Variants in CCSER1 observed in about 807,000 individuals in gnomAD.
CCSER1 encodes the protein coiled-coil serine rich protein 1.
Under a neutral mutation model 82.0 loss-of-function variants are expected in CCSER1, and 41 were observed. That is an observed-to-expected ratio of 0.50 (90% CI 0.39 to 0.65). The LOEUF (loss-of-function observed/expected upper bound fraction) is 0.65, where lower values mean the gene tolerates loss of function less well. Ranked by LOEUF, CCSER1 falls within the 30% of genes least tolerant of loss-of-function variation. The pLI, the probability that CCSER1 is intolerant of heterozygous loss-of-function variation, is 0.00. For missense variants in CCSER1, 1,119 were observed against 1,064.2 expected (o/e 1.05, Z -0.72); for synonymous variants, 414 against 383.9 (o/e 1.08, Z -0.92).
chr4:90,966,324 C>T (rs1402491058), intron 9 of CCSER1, among the ~76,000 whole-genome samples: 2 of 150,640 alleles, frequency 1.3e-5, no homozygotes, highest in East Asian at 3.9e-4. Context: ...TGTTGAAAGA[C>T]AAAGAAAAAA....
chr4:91,041,604 G>T (rs1415047492), intron 9 of CCSER1, among the ~76,000 whole-genome samples: 4 of 152,064 alleles, frequency 2.6e-5, no homozygotes, highest in African/African-American at 7.2e-5. Context: ...ATTTGAATTT[G>T]ACATGACAGC....
intron 10 of CCSER1, among the ~76,000 whole-genome samples, chr4:91,174,755 G>A (rs935601149): frequency 6.6e-6 from 1 of 151,282 alleles, no homozygotes; most frequent in African/African-American, 2.4e-5. Flanking sequence ...CTTCAAGTAT[G>A]TATTCATTTC....
intron 8 of CCSER1, among the ~76,000 whole-genome samples, chr4:90,819,490 C>T (rs569010770): frequency 6.6e-6 from 1 of 152,008 alleles, no homozygotes; most frequent in East Asian, 1.9e-4. Context: ...TTCTTTTCTA[C>T]CATATGATTT....
At chr4:90,436,770 GTATTA>G (rs1372482320) in intron 4 of CCSER1, among the ~76,000 whole-genome samples, 13 of 150,670 alleles carry the variant, frequency 8.6e-5, no homozygotes, top group Admixed American at 7.9e-4. Context: ...ACACATATAT[GTATTA>G]TATTAGCATT....
intron 10 of CCSER1, among the ~76,000 whole-genome samples, chr4:91,501,692 A>G (rs1469624079): frequency 6.6e-6 from 1 of 151,990 alleles, no homozygotes; most frequent in Non-Finnish European, 1.5e-5. Flanking sequence ...ATTTTTTCCT[A>G]GAATTATTTT....
intron 5 of CCSER1, among the ~76,000 whole-genome samples, chr4:90,541,118 T>G (rs1423922527): frequency 6.6e-6 from 1 of 152,000 alleles, no homozygotes; most frequent in Admixed American, 6.6e-5. Context: ...CCTGGCCTGA[T>G]GCTGTGGCTA....
At chr4:90,621,486 T>A (rs1347969061) in intron 5 of CCSER1, among the ~76,000 whole-genome samples, 4 of 151,890 alleles carry the variant, frequency 2.6e-5, no homozygotes, top group Admixed American at 2.0e-4. Context: ...TTCATCTTTA[T>A]AATGTCCTTT....
At chr4:90,540,945 A>C (rs978876739) in intron 5 of CCSER1, among the ~76,000 whole-genome samples, 8 of 152,126 alleles carry the variant, frequency 5.3e-5, no homozygotes, top group African/African-American at 1.2e-4. Context: ...ATAGAGGTCC[A>C]AACTATGAAA....
intron 1 of CCSER1, among the ~76,000 whole-genome samples, chr4:90,161,817 G>A (rs923433430): frequency 6.6e-6 from 1 of 152,046 alleles, no homozygotes; most frequent in Non-Finnish European, 1.5e-5. Flanking sequence ...AGTTTAGAAA[G>A]TGCAATTATA....
chr4:90,483,737 G>C, intron 5 of CCSER1, among the ~76,000 whole-genome samples: 1 of 152,216 alleles, frequency 6.6e-6, no homozygotes, highest in East Asian at 1.9e-4. Context: ...TCTGCTGAGA[G>C]ATCAGCTGTT....
At chr4:90,214,443 G>A (rs1407727529) in intron 1 of CCSER1, among the ~76,000 whole-genome samples, 2 of 152,152 alleles carry the variant, frequency 1.3e-5, no homozygotes, top group Admixed American at 6.5e-5. Flanking sequence ...CCAGGGAAAC[G>A]CTGGAGATTA....
In CCSER1 at chr4:91,292,612, G is replaced by A. The variant is rs137993701; in HGVS notation, c.2217+206618G>A. Among the ~76,000 whole-genome samples the A allele has an allele frequency of 1.8e-3, 270 of 152,010 alleles. 2 individuals carry two copies. The highest frequency in any genetic ancestry group is 6.1e-3 in the African/African-American group (252 of 41,534). The stretch of plus-strand genomic sequence containing the variant: ...TTTTGCTTTGCTTCTTAAAGAACAA[G>A]CAGATCAGGGACTTCAACTCATTGC... On this transcript the variant is annotated intron_variant, in intron 10 of 10. Coordinates refer to ENST00000509176, the MANE Select transcript of CCSER1 (RefSeq NM_001145065.2).
chr4:90,211,848 A>G (rs1358277069), intron 1 of CCSER1, among the ~76,000 whole-genome samples: 1 of 152,204 alleles, frequency 6.6e-6, no homozygotes, highest in African/African-American at 2.4e-5. Flanking sequence ...AAGATTCTTG[A>G]GCACATCTGT....
At chr4:90,319,930 A>G (rs944367520) in intron 3 of CCSER1, among the ~76,000 whole-genome samples, 1 of 152,230 alleles carries the variant, frequency 6.6e-6, no homozygotes, top group Non-Finnish European at 1.5e-5. Context: ...GAAAATCACA[A>G]GTATCACTCA....
At chr4:90,722,291 A>G (rs1213685284) in intron 6 of CCSER1, among the ~76,000 whole-genome samples, 4 of 151,890 alleles carry the variant, frequency 2.6e-5, no homozygotes, top group African/African-American at 4.8e-5. Flanking sequence ...TAATTCAACT[A>G]TGAACGAACT....
At chr4:91,298,604 GACTA>G (rs569574434) in intron 10 of CCSER1, among the ~76,000 whole-genome samples, 10 of 152,082 alleles carry the variant, frequency 6.6e-5, no homozygotes, top group Non-Finnish European at 1.0e-4. Flanking sequence ...TGGGAATGGA[GACTA>G]ACTAAGAAGG....
chr4:90,964,453 G>A lies in CCSER1; in HGVS notation c.2172+41006G>A, dbSNP rs980529459. ...TAAAAGCAACAAGGATAGGCCAGGCGTGGTGGCTCACACTTGTAATCCCAC... is the reference window on the plus strand; with the variant it reads ...TAAAAGCAACAAGGATAGGCCAGGCATGGTGGCTCACACTTGTAATCCCAC... On this transcript the variant is annotated intron_variant, in intron 9 of 10. Transcript: ENST00000509176. 2.9e-4 allele frequency among the ~76,000 whole-genome samples: 44 copies of A among 151,092 alleles called. 1 individual carries two copies. The highest frequency in any genetic ancestry group is 1.9e-4 in the Non-Finnish European group (13 of 68,002).
chr4:91,043,557 G>GGATA (rs1742162944), intron 9 of CCSER1, among the ~76,000 whole-genome samples: 1 of 148,024 alleles, frequency 6.8e-6, no homozygotes, highest in African/African-American at 2.5e-5. Context: ...AAAAAAACAA[G>GGATA]GATAACGCTA....
At chr4:90,463,451 T>C (rs1763204927) in intron 4 of CCSER1, among the ~76,000 whole-genome samples, 1 of 152,192 alleles carries the variant, frequency 6.6e-6, no homozygotes, top group Non-Finnish European at 1.5e-5. Flanking sequence ...GCCATAGAAC[T>C]TTTCTGAAGG....
Sources: gnomAD v4.1 joint callset for allele counts (sites outside exome capture counted in the v4.1 genomes callset) on GRCh38, gnomAD v4.1.1 for gene constraint, MANE v1.5 for transcripts, NCBI Gene and HGNC (gene_info 2026-07-23, HGNC 2026-07-21) for gene names.